Variants in LENG8 observed in about 807,000 individuals in gnomAD.
LENG8 encodes leukocyte receptor cluster member 8.
LENG8 carries 28 observed loss-of-function variants against 102.1 expected under a neutral mutation model. The ratio of observed to expected loss-of-function variants is 0.27; its 90% CI spans 0.20 to 0.38. The LOEUF is 0.38. Among genes scored for constraint, LENG8 ranks in the 10% least tolerant of loss-of-function variants. LENG8 has a pLI of 1.00. For synonymous variants in LENG8, 531 were observed against 456.7 expected, an observed-to-expected ratio of 1.16 and a Z score of -2.07; for missense variants, 1,022 against 1,113.9, an observed-to-expected ratio of 0.92 and a Z score of 1.17.
At chr19:54,455,216 CCT>C in intron 7 of LENG8, 124 bp downstream of exon 7, 4 of 1,504,672 alleles carry the variant, frequency 2.7e-6, no homozygotes, top group Non-Finnish European at 3.7e-6. Flanking sequence ...GCAGAAGGAC[CCT>C]CTCTTGGGGG....
Position 54,452,148 on chromosome 19 carries a change from C to T in LENG8, c.94C>T (p.Pro32Ser). The T allele has an allele frequency of 6.2e-7, 1 of 1,614,142 alleles. No homozygotes were observed. Among genetic ancestry groups the T allele is most frequent in the South Asian group, 1.1e-5 (1 of 91,082 alleles). ...AGGCCGAGAGAATGGCATGGAGACG[C>T]CGATGCACGAGAACCCGGAGTGGGA... ...GAGRENGMETPMHENPEWEKA... is the reference protein window; with the variant it reads ...GAGRENGMETSMHENPEWEKA... The change falls in exon 3 of 16, where the codon CCG (proline) becomes TCG (serine). Residue 32 changes from proline (P) to serine (S), a missense_variant. Coordinates refer to ENST00000326764, the MANE Select transcript of LENG8 (RefSeq NM_052925.4).
rs183346960 is a variant in LENG8, at chr19:54,454,545, G to T, written c.542G>T (p.Ser181Ile). Reference sequence around the variant, plus strand: ...CCACATGGGGCTCACACGCTGAACAGTGGCCCTCAGCCTGGGACAGCTCCA... The same window carrying T: ...CCACATGGGGCTCACACGCTGAACATTGGCCCTCAGCCTGGGACAGCTCCA... Reference protein sequence around the residue: ...NPPHGAHTLNSGPQPGTAPAT... With the variant: ...NPPHGAHTLNIGPQPGTAPAT... The change falls in exon 6 of 16, where the codon AGT (serine) becomes ATT (isoleucine). Residue 181 changes from serine (S) to isoleucine (I), a missense_variant. By Grantham distance (142) the Ser-to-Ile change is moderately radical. Around this residue, in one of 7 missense-constraint regions of LENG8, gnomAD observed 343 missense variants for 320.2 expected, o/e 1.07. Transcript: ENST00000326764. The T allele has an allele frequency of 6.2e-7, 1 of 1,613,432 alleles. No individual in the cohort carries two copies. The highest frequency in any genetic ancestry group is 2.2e-5 in the East Asian group (1 of 44,848).
chr19:54,449,836 C>T (rs57676431), intron 1 of LENG8: 1,891 of 152,856 alleles, frequency 0.012, 39 homozygotes, highest in African/African-American at 0.042. Flanking sequence ...AACTCCTGAC[C>T]TTACCTCTAA....
rs958150823 is a variant in LENG8 at position 54,461,208 on chromosome 19, C to G, written c.*280C>G. The G allele has an allele frequency of 3.0e-6, 2 of 658,510 alleles. No individual in the cohort carries two copies. Among genetic ancestry groups the G allele is most frequent in the Non-Finnish European group, 5.6e-6 (2 of 356,940 alleles). The allele number at this position is 658,510 out of a possible 1,614,324, so 40.8% of individuals were successfully genotyped here. ...GGCTCATCTGTGTCCGCCTTTCACT[C>G]CACTAATGCTGTCTCAGTGTTTTCT... On this transcript the variant is annotated 3_prime_UTR_variant, in exon 16 of 16. Transcript: ENST00000326764.
chr19:54,450,680 T>C (rs1032184992), intron 1 of LENG8, among the ~76,000 whole-genome samples: 2 of 145,846 alleles, frequency 1.4e-5, no homozygotes, highest in African/African-American at 2.6e-5. Flanking sequence ...TGGAGAGCAA[T>C]GGCGCAGTCT....
chr19:54,452,165 G>A lies in LENG8; in HGVS notation c.111G>A (p.Pro37=), dbSNP rs140770630. Residue 37 remains proline (P), a synonymous_variant, in exon 3 of 16, where the codon CCG becomes CCA. Transcript: ENST00000326764. ...NGMETPMHEN[P]EWEKARQALA... The stretch of plus-strand genomic sequence containing the variant: ...TGGAGACGCCGATGCACGAGAACCC[G>A]GAGTGGGAGAAGGCCCGTCAGGCCC... The A allele has an allele frequency of 1.4e-4, 234 of 1,614,042 alleles. No individual in the cohort carries two copies. Among genetic ancestry groups the A allele is most frequent in the Middle Eastern group, 6.6e-4 (4 of 6,084 alleles).
chr19:54,460,943 G>C lies in LENG8; in HGVS notation c.*15G>C, dbSNP rs776014863. On this transcript the variant is annotated 3_prime_UTR_variant, in exon 16 of 16. Coordinates refer to ENST00000326764, the MANE Select transcript of LENG8 (RefSeq NM_052925.4). ...CAGCCTTCTGAGCACCCAGCGAGGA[G>C]GGGCGGGGGCAGGGGCTGCAGCCCC... The C allele has an allele frequency of 2.0e-6, 3 of 1,527,788 alleles. No individual in the cohort carries two copies. Among genetic ancestry groups the C allele is most frequent in the Non-Finnish European group, 2.6e-6 (3 of 1,139,844 alleles). 94.6% of individuals were successfully genotyped at this position (1,527,788 alleles called of 1,614,324 possible). A position where few individuals can be genotyped will look rare whatever the true frequency, so the allele number is the denominator to read the frequency against.
intron 3 of LENG8, 88 bp from the exon 4 acceptor site, chr19:54,452,563 T>C: frequency 9.3e-7 from 1 of 1,073,764 alleles, no homozygotes. Context: ...CCCTTGGCAA[T>C]TGGCCACCAG....
rs1262576497 is a variant in LENG8 at position 54,461,341 on chromosome 19, G to A, written c.*413G>A. 2.2e-6 allele frequency: 1 copy of A among 457,146 alleles called. No homozygotes were observed. 28.3% of individuals were successfully genotyped at this position (457,146 alleles called of 1,614,324 possible). A position where few individuals can be genotyped will look rare whatever the true frequency, so the allele number is the denominator to read the frequency against. The stretch of plus-strand genomic sequence containing the variant: ...CAGGCCGTCCAGCCCGTGCCCGCCT[G>A]CGGCGGGGGCACCCAGCAAGCCCGC... On this transcript the variant is annotated 3_prime_UTR_variant, in exon 16 of 16. Transcript: ENST00000326764.
chr19:54,460,452 G>A, intron 15 of LENG8: 1 of 1,297,268 alleles, frequency 7.7e-7, no homozygotes, highest in South Asian at 1.6e-5. Context: ...GCCACGTGCT[G>A]CTCCCTCCAT....
At chr19:54,460,719 G>GGGGGGCCCCCC in intron 15 of LENG8, 47 bp from the exon 16 acceptor site, 1 of 778,920 alleles carries the variant, frequency 1.3e-6, no homozygotes. Context: ...GCCCTCCCCT[G>GGGGGGCCCCCC]CCCTCCCGCC....
intron 3 of LENG8, 108 bp downstream of exon 3, chr19:54,452,375 G>A (rs3813149): frequency 0.42 from 421,051 of 1,014,424 alleles, 89,353 homozygotes; most frequent in East Asian, 0.62. Flanking sequence ...GGGGAAACAT[G>A]AAAAGACGTT....
intron 11 of LENG8, 114 bp from the exon 12 acceptor site, chr19:54,457,633 G>A (rs977713147): frequency 1.5e-5 from 12 of 780,568 alleles, no homozygotes; most frequent in Admixed American, 1.3e-4. Context: ...GAGCCACTGC[G>A]CCTGGCCTTT....
In LENG8 at chr19:54,460,753, C is replaced by A; in HGVS notation, c.2241-13C>A. ...CCCGCCCGCCTCATCACCTTCTCCT[C>A]TTGTCTCCATAGCTTCCGCCCTGCG... On this transcript the variant is annotated splice_polypyrimidine_tract_variant and intron_variant, in intron 15 of 15. Coordinates refer to ENST00000326764, the MANE Select transcript of LENG8 (RefSeq NM_052925.4). The A allele has an allele frequency of 8.1e-7, 1 of 1,237,356 alleles. No individual in the cohort carries two copies. Among genetic ancestry groups the A allele is most frequent in the South Asian group, 1.4e-5 (1 of 73,572 alleles). The allele number at this position is 1,237,356 out of a possible 1,614,324, so 76.6% of individuals were successfully genotyped here.
chr19:54,453,421 A>T, intron 4 of LENG8, 125 bp from the exon 5 acceptor site: 1 of 669,240 alleles, frequency 1.5e-6, no homozygotes. Flanking sequence ...TGGTGCATTA[A>T]TATAGTGAAG....
chr19:54,455,079 G>A lies in LENG8; in HGVS notation c.808G>A (p.Val270Ile), dbSNP rs2084157027. 2 of 1,614,078 alleles carry A rather than the reference G, an allele frequency of 1.2e-6. No individual in the cohort carries two copies. Among genetic ancestry groups the A allele is most frequent in the Non-Finnish European group, 1.7e-6 (2 of 1,180,032 alleles). The change falls in exon 7 of 16, where the codon GTT becomes ATT. Residue 270 changes from valine (V) to isoleucine (I), a missense_variant. Coordinates refer to ENST00000326764, the MANE Select transcript of LENG8 (RefSeq NM_052925.4). ...TGGCCCCCAGCCCAACCCTGAGAAA[G>A]TTCAGAACCACAGGTGACGTCTGCC... Reference protein sequence around the residue: ...GFGPQPNPEKVQNHSGSSARG... With the variant: ...GFGPQPNPEKIQNHSGSSARG...
In LENG8 at chr19:54,456,254, G is replaced by GCT; in HGVS notation, c.1304+11_1304+12dup. The GCT allele has an allele frequency of 6.2e-7, 1 of 1,614,050 alleles. No homozygotes were observed. The highest frequency in any genetic ancestry group is 1.1e-5 in the South Asian group (1 of 91,086). Reference sequence around the variant, plus strand: ...CGCCACTTCCGCAGAAGGTACTGAGGCTCCCGGCTGGGGCTGTGTGTGAGG... The same window carrying GCT: ...CGCCACTTCCGCAGAAGGTACTGAGGCTCTCCCGGCTGGGGCTGTGTGTGAGG... On this transcript the variant is annotated intron_variant, in intron 9 of 15. Coordinates refer to ENST00000326764, the MANE Select transcript of LENG8 (RefSeq NM_052925.4).
chr19:54,453,504 G>T, intron 4 of LENG8, 42 bp from the exon 5 acceptor site: 1 of 1,376,000 alleles, frequency 7.3e-7, no homozygotes, highest in South Asian at 1.2e-5. Flanking sequence ...AAGCGGAAAG[G>T]GTAGGCCTCC....
chr19:54,460,228 G>C (rs945203879), intron 15 of LENG8: 5 of 1,287,610 alleles, frequency 3.9e-6, no homozygotes, highest in African/African-American at 1.5e-5. Context: ...CTGTGGAAGA[G>C]GGTTCAGGGA....
Sources: gnomAD v4.1 joint callset for allele counts (sites outside exome capture counted in the v4.1 genomes callset) on GRCh38, gnomAD v4.1.1 for gene constraint, gnomAD v4.1.1 regional missense constraint, MANE v1.5 for transcripts, NCBI Gene and HGNC (gene_info 2026-07-23, HGNC 2026-07-21) for gene names.